Variants in EYS observed in about 807,000 individuals in gnomAD.
EYS encodes the protein EGF-like photoreceptor maintenance factor.
A neutral mutation model predicts 282.1 loss-of-function variants in EYS; 250 were observed. That is an observed-to-expected ratio of 0.89 (90% CI 0.80 to 0.98). The LOEUF is 0.98. EYS is among the 50% of genes least tolerant of loss of function. The pLI, the probability that EYS is intolerant of heterozygous loss-of-function variation, is 0.00. For missense variants in EYS, 4,016 were observed against 3,709.0 expected (o/e 1.08, Z -2.15); for synonymous variants, 1,355 against 1,282.9 (o/e 1.06, Z -1.20).
rs114480815 is a variant in EYS at position 65,234,024 on chromosome 6, G to A, written c.2023+61839C>T. On this transcript the variant is annotated intron_variant, in intron 12 of 42. Transcript: ENST00000503581. The stretch of plus-strand genomic sequence containing the variant: ...CTCTTCCTGATTCTATCACATTTCC[G>A]GCTGCTCTGTTGTTCTGTGTATATT... Among the ~76,000 whole-genome samples, 368 of 152,036 alleles carry A rather than the reference G, an allele frequency of 2.4e-3. 3 individuals are homozygous for A. The highest frequency in any genetic ancestry group is 8.5e-3 in the African/African-American group (353 of 41,486).
intron 12 of EYS, among the ~76,000 whole-genome samples, chr6:65,071,414 T>A (rs563551900): frequency 6.6e-6 from 1 of 151,786 alleles, no homozygotes; most frequent in Admixed American, 6.6e-5. Flanking sequence ...CTATTCCATA[T>A]TATAAATGGA....
chr6:64,659,377 A>T (rs570726310), intron 22 of EYS, among the ~76,000 whole-genome samples: 2 of 152,272 alleles, frequency 1.3e-5, no homozygotes, highest in African/African-American at 4.8e-5. Context: ...GCAAGAAATA[A>T]CTAAGATCAG....
intron 41 of EYS, among the ~76,000 whole-genome samples, chr6:63,732,340 TTAAG>T (rs1768802615): frequency 4.6e-5 from 7 of 152,236 alleles, no homozygotes; most frequent in African/African-American, 1.7e-4. Context: ...TATTATTTGA[TTAAG>T]TATTCAGTAA....
intron 18 of EYS, among the ~76,000 whole-genome samples, chr6:64,900,836 T>C (rs1481228938): frequency 2.0e-5 from 3 of 152,128 alleles, no homozygotes; most frequent in Non-Finnish European, 4.4e-5. Flanking sequence ...AGTGTGGTGA[T>C]TCCTCAAGGA....
intron 41 of EYS, among the ~76,000 whole-genome samples, chr6:63,748,185 A>C (rs988635673): frequency 6.6e-6 from 1 of 152,212 alleles, no homozygotes; most frequent in African/African-American, 2.4e-5. Flanking sequence ...GACAAAAGTC[A>C]TCTGTGGATG....
intron 10 of EYS, among the ~76,000 whole-genome samples, chr6:65,342,930 TAA>T (rs1770252179): frequency 6.6e-6 from 1 of 151,074 alleles, no homozygotes; most frequent in African/African-American, 2.4e-5. Flanking sequence ...ACTGAATTAT[TAA>T]GTGTATTATA....
intron 30 of EYS, among the ~76,000 whole-genome samples, chr6:64,303,237 G>A (rs1289483292): frequency 6.6e-6 from 1 of 152,182 alleles, no homozygotes; most frequent in African/African-American, 2.4e-5. Flanking sequence ...CCCCAGTGGG[G>A]TTCCTTAGTA....
chr6:64,081,515 T>C (rs9342117), intron 32 of EYS, among the ~76,000 whole-genome samples: 32,052 of 152,178 alleles, frequency 0.21, 4,206 homozygotes, highest in East Asian at 0.43. Context: ...AGTTATCAAG[T>C]ATTGAATGTA....
chr6:65,685,032 C>T (rs569095443), intron 1 of EYS, among the ~76,000 whole-genome samples: 7 of 151,922 alleles, frequency 4.6e-5, no homozygotes, highest in East Asian at 3.9e-4. Flanking sequence ...GGAGATGATG[C>T]GGATAATGGG....
chr6:64,446,857 C>G (rs571655418), intron 26 of EYS, among the ~76,000 whole-genome samples: 1 of 151,802 alleles, frequency 6.6e-6, no homozygotes, highest in Non-Finnish European at 1.5e-5. Flanking sequence ...TTGCTCTCCA[C>G]AGTATATATC....
At chr6:63,852,355 T>C (rs918361564) in intron 36 of EYS, among the ~76,000 whole-genome samples, 1 of 151,986 alleles carries the variant, frequency 6.6e-6, no homozygotes, top group Non-Finnish European at 1.5e-5. Flanking sequence ...TGAACACCTC[T>C]ATGCAAATAA....
At chr6:64,899,229 C>T (rs549012365) in intron 18 of EYS, among the ~76,000 whole-genome samples, 20 of 151,998 alleles carry the variant, frequency 1.3e-4, no homozygotes, top group Non-Finnish European at 2.5e-4. Context: ...TCAGCAAATG[C>T]AAAAGAATGG....
rs574623112 is a variant in EYS, at chr6:65,403,833, C to A, written c.1057-1228G>T. 4.1e-3 allele frequency among the ~76,000 whole-genome samples: 623 copies of A among 152,114 alleles called. 5 individuals carry two copies. Among genetic ancestry groups the A allele is most frequent in the African/African-American group, 0.014 (590 of 41,536 alleles). On this transcript the variant is annotated intron_variant, in intron 6 of 42. Coordinates refer to ENST00000503581, the MANE Select transcript of EYS (RefSeq NM_001142800.2). ...ATTCTTTTAACTAGTAAAGTTATAA[C>A]ATGTGTTCAATTGTTCATTATTGTC...
chr6:64,821,792 A>T, intron 20 of EYS, 69 bp from the exon 21 acceptor site: 1 of 915,618 alleles, frequency 1.1e-6, no homozygotes, highest in Non-Finnish European at 1.7e-6. Flanking sequence ...AGGGAGTTTC[A>T]CCATTTAAAC....
chr6:64,966,757 A>C (rs1248726503), intron 14 of EYS, among the ~76,000 whole-genome samples: 1 of 152,176 alleles, frequency 6.6e-6, no homozygotes, highest in Non-Finnish European at 1.5e-5. Flanking sequence ...GATACTCCTG[A>C]TTACATTTAG....
At chr6:64,860,993 G>C (rs1183525810) in intron 19 of EYS, among the ~76,000 whole-genome samples, 1 of 152,174 alleles carries the variant, frequency 6.6e-6, no homozygotes, top group Non-Finnish European at 1.5e-5. Flanking sequence ...CCCAGAAAAA[G>C]CACCATGAGT....
intron 11 of EYS, chr6:65,332,134 T>C: frequency 2.2e-6 from 1 of 449,364 alleles, no homozygotes; most frequent in Non-Finnish European, 4.0e-6. Context: ...TCTTATTTTT[T>C]TTTAACTTCT....
chr6:64,629,079 C>T (rs764456092), intron 22 of EYS, among the ~76,000 whole-genome samples: 19 of 152,130 alleles, frequency 1.2e-4, no homozygotes, highest in Non-Finnish European at 2.2e-4. Context: ...CATTTAGTTG[C>T]ATATCTCCTT....
chr6:64,122,159 A>G (rs1773611441), intron 31 of EYS, among the ~76,000 whole-genome samples: 1 of 152,120 alleles, frequency 6.6e-6, no homozygotes, highest in South Asian at 2.1e-4. Flanking sequence ...CATTTAATTT[A>G]CCTACAGATT....
Sources: allele counts gnomAD v4.1 joint callset (sites outside exome capture counted in the v4.1 genomes callset), GRCh38; gene constraint gnomAD v4.1.1; transcripts MANE v1.5; gene names NCBI Gene and HGNC (gene_info 2026-07-23, HGNC 2026-07-21).